The following ABCB11 variants were observed in gnomAD, a reference collection of about 807,000 sequenced individuals.
The protein encoded by ABCB11 is bile salt export pump.
In ABCB11, 95 loss-of-function variants were observed where a neutral mutation model predicts 148.0. The observed-to-expected ratio is 0.64, with a 90% CI of 0.54 to 0.76. The LOEUF is 0.76. Ranked by LOEUF, ABCB11 falls within the 30% of genes least tolerant of loss-of-function variation. The pLI is 0.00. For synonymous variants in ABCB11, 591 were observed against 555.4 expected (o/e 1.06, Z -0.90); for missense variants, 1,523 against 1,617.8 (o/e 0.94, Z 1.01).
At chr2:168,996,613 A>C in intron 6 of ABCB11, 22 bp downstream of exon 6, 1 of 1,394,388 alleles carries the variant, frequency 7.2e-7, no homozygotes, top group African/African-American at 1.5e-5. Flanking sequence ...TGATCTATAA[A>C]TTATACGGAG....
rs1011964064 is a variant in ABCB11, at chr2:168,933,025, T to C, written c.3057-492A>G. Among the ~76,000 whole-genome samples the C allele has an allele frequency of 6.1e-5, 9 of 148,314 alleles. No individual in the cohort carries two copies. In the Admixed American group the frequency reaches 6.1e-4, roughly 10 times the overall value. On this transcript the variant is annotated intron_variant, in intron 23 of 27. Coordinates refer to ENST00000650372, the MANE Select transcript of ABCB11 (RefSeq NM_003742.4). ...TCGGGAGGCTGAGGCAGGAGAATGG[T>C]ATGAACCTGGGAGGCAGAGCTTGCA... is the stretch of plus-strand genomic sequence containing the variant.
chr2:168,981,291 GGTT>G (rs1481654838), intron 10 of ABCB11, among the ~76,000 whole-genome samples: 1 of 152,068 alleles, frequency 6.6e-6, no homozygotes, highest in Middle Eastern at 3.2e-3. Context: ...ATGGGTGGTG[GGTT>G]AGTCCACTCA....
rs182088003 is a variant in ABCB11 at position 168,925,969 on chromosome 2, A to C, written c.3619-1166T>G. ...CAAATAGTAATTTCCATGTGCTTAT[A>C]GATTGGGCTAACAGGTAAGAACTGG... On this transcript the variant is annotated intron_variant, in intron 26 of 27. Coordinates refer to ENST00000650372, the MANE Select transcript of ABCB11 (RefSeq NM_003742.4). Among the ~76,000 whole-genome samples the C allele has an allele frequency of 2.2e-3, 331 of 152,324 alleles. 1 individual carries two copies. Among genetic ancestry groups the C allele is most frequent in the African/African-American group, 6.0e-3 (250 of 41,546 alleles).
In ABCB11 at chr2:168,944,623, A is replaced by G. The variant is rs760922641; in HGVS notation, c.2592T>C (p.Asp864=). The change falls in exon 21 of 28, where the codon GAT becomes GAC. Residue 864 remains aspartate (D), a synonymous_variant. Transcript: ENST00000650372. ...AGCTCACCCCTTGAACTTGGGAAGC[A>G]TCTGTAGCAAGTCTTGTTGTCAATG... ...PGALTTRLAT[D]ASQVQGAAGS... The G allele has an allele frequency of 6.8e-6, 11 of 1,608,406 alleles. No individual in the cohort carries two copies. The highest frequency in any genetic ancestry group is 9.3e-6 in the Non-Finnish European group (11 of 1,176,794).
chr2:168,957,888 A>G (rs1692865832), intron 19 of ABCB11, 76 bp downstream of exon 19: 1 of 1,299,742 alleles, frequency 7.7e-7, no homozygotes, highest in African/African-American at 1.5e-5. Context: ...AAATACATGA[A>G]AACAAAGAGC....
At position 168,972,133 on chromosome 2, in the gene ABCB11, G is replaced by A; in HGVS notation, c.1435-83C>T. 4 of 1,312,418 alleles carry A rather than the reference G, an allele frequency of 3.0e-6. No individual in the cohort carries two copies. In the South Asian group the frequency reaches 5.2e-5, roughly 17 times the overall value. The allele number at this position is 1,312,418 out of a possible 1,614,324, so 81.3% of individuals were successfully genotyped here. On this transcript the variant is annotated intron_variant, in intron 13 of 27. Transcript: ENST00000650372. Reference sequence around the variant, plus strand: ...AATATTATGTCATACTTGACCAATGGGCAGAAAAAATAGAGGCCAATAAGA... The same window carrying A: ...AATATTATGTCATACTTGACCAATGAGCAGAAAAAATAGAGGCCAATAAGA...
At chr2:168,971,344 A>G (rs534431628) in intron 14 of ABCB11, among the ~76,000 whole-genome samples, 1 of 152,038 alleles carries the variant, frequency 6.6e-6, no homozygotes, top group Non-Finnish European at 1.5e-5. Flanking sequence ...GGCAAAATCC[A>G]TTGAAGTATA....
At chr2:169,005,648 C>T (rs1000105121) in intron 5 of ABCB11, among the ~76,000 whole-genome samples, 6 of 151,984 alleles carry the variant, frequency 3.9e-5, no homozygotes, top group Admixed American at 2.6e-4. Flanking sequence ...AGAAAGCAAG[C>T]GGACACACAG....
chr2:168,943,184 AGAGAT>A (rs1186090817), intron 21 of ABCB11, among the ~76,000 whole-genome samples: 4 of 152,010 alleles, frequency 2.6e-5, no homozygotes, highest in Non-Finnish European at 2.9e-5. Context: ...CAAAAATAGA[AGAGAT>A]AAGATTATGA....
chr2:168,994,031 A>T, intron 7 of ABCB11, 149 bp from the exon 8 acceptor site: 2 of 659,418 alleles, frequency 3.0e-6, no homozygotes, highest in East Asian at 3.1e-5. Flanking sequence ...ATCTTGGAAA[A>T]TTTGCTGCAC....
At chr2:169,025,821 C>T (rs566760218) in intron 1 of ABCB11, among the ~76,000 whole-genome samples, 4 of 152,308 alleles carry the variant, frequency 2.6e-5, no homozygotes, top group African/African-American at 4.8e-5. Flanking sequence ...CTAAACAAGT[C>T]GTGTTTGCTA....
intron 10 of ABCB11, among the ~76,000 whole-genome samples, chr2:168,983,811 T>C (rs1268664868): frequency 6.6e-6 from 1 of 152,136 alleles, no homozygotes; most frequent in Non-Finnish European, 1.5e-5. Flanking sequence ...CATTGTTTGC[T>C]CTATCCGGAA....
At chr2:169,014,828 C>G (rs1329623522) in intron 3 of ABCB11, among the ~76,000 whole-genome samples, 1 of 152,116 alleles carries the variant, frequency 6.6e-6, no homozygotes, top group African/African-American at 2.4e-5. Flanking sequence ...TTCATAGAAT[C>G]ATATTTCCTT....
intron 9 of ABCB11, 86 bp downstream of exon 9, chr2:168,990,715 G>T: frequency 6.4e-7 from 1 of 1,554,158 alleles, no homozygotes; most frequent in Non-Finnish European, 8.8e-7. Flanking sequence ...ACCAAGGTGG[G>T]TCTGCCGCTT....
At chr2:168,936,697 C>G (rs1468543959) in intron 21 of ABCB11, among the ~76,000 whole-genome samples, 1 of 152,062 alleles carries the variant, frequency 6.6e-6, no homozygotes, top group Admixed American at 6.5e-5. Flanking sequence ...TTCTCTCTCC[C>G]CCAAGCTCTT....
At chr2:169,012,442 C>T (rs905742613) in intron 5 of ABCB11, among the ~76,000 whole-genome samples, 2 of 152,054 alleles carry the variant, frequency 1.3e-5, no homozygotes, top group Non-Finnish European at 2.9e-5. Flanking sequence ...GCTACTTCTG[C>T]GTGGTTGCCT....
intron 19 of ABCB11, among the ~76,000 whole-genome samples, chr2:168,957,546 C>T (rs559591277): frequency 1.4e-4 from 21 of 151,686 alleles, no homozygotes; most frequent in African/African-American, 4.6e-4. Context: ...GAGAATTATA[C>T]ATCAAACACT....
chr2:169,027,379 A>G (rs1695732681), intron 1 of ABCB11, among the ~76,000 whole-genome samples: 1 of 152,250 alleles, frequency 6.6e-6, no homozygotes, highest in African/African-American at 2.4e-5. Context: ...CATGTGGTCT[A>G]TAACCTGCAC....
At chr2:168,946,634 C>T (rs1337571576) in intron 19 of ABCB11, among the ~76,000 whole-genome samples, 1 of 151,682 alleles carries the variant, frequency 6.6e-6, no homozygotes, top group Non-Finnish European at 1.5e-5. Flanking sequence ...CCCCAAACTG[C>T]GATGCCACAA....
Sources: gnomAD v4.1 joint callset for allele counts (sites outside exome capture counted in the v4.1 genomes callset) on GRCh38, gnomAD v4.1.1 for gene constraint, MANE v1.5 for transcripts, NCBI Gene and HGNC (gene_info 2026-07-23, HGNC 2026-07-21) for gene names.